Variants in FRAS1 observed in about 807,000 individuals in gnomAD.
FRAS1 encodes the protein Fraser extracellular matrix complex subunit 1.
A neutral mutation model predicts 435.2 loss-of-function variants in FRAS1; 290 were observed. The ratio of observed to expected loss-of-function variants is 0.67; its 90% CI spans 0.61 to 0.73. The LOEUF (loss-of-function observed/expected upper bound fraction) is 0.73, where lower values mean the gene tolerates loss of function less well. FRAS1 is among the 30% of genes least tolerant of loss of function. The pLI is 0.00. For synonymous variants in FRAS1, 1,800 were observed against 1,851.0 expected, an observed-to-expected ratio of 0.97 and a Z score of 0.71; for missense variants, 4,860 against 5,001.5, an observed-to-expected ratio of 0.97 and a Z score of 0.85.
At chr4:78,471,483 T>C (rs78938470) in intron 51 of FRAS1, among the ~76,000 whole-genome samples, 1,542 of 152,148 alleles carry the variant, frequency 0.01, 29 homozygotes, top group African/African-American at 0.036. Flanking sequence ...TACTCTCCAA[T>C]TGGGTTTCTA....
intron 2 of FRAS1, among the ~76,000 whole-genome samples, chr4:78,080,623 C>T (rs1740851657): frequency 6.6e-6 from 1 of 152,080 alleles, no homozygotes; most frequent in Admixed American, 6.6e-5. Context: ...CTCAGTTCTG[C>T]TTTTGTCATA....
rs72657027 is a variant in FRAS1 at position 78,255,392 on chromosome 4, C to T, written c.603+17C>T. The T allele has an allele frequency of 6.7e-5, 106 of 1,579,578 alleles. No homozygotes were observed. Among genetic ancestry groups the T allele is most frequent in the Non-Finnish European group, 8.7e-5 (101 of 1,161,376 alleles). On this transcript the variant is annotated intron_variant, in intron 6 of 73. Coordinates refer to ENST00000512123, the MANE Select transcript of FRAS1 (RefSeq NM_025074.7). The stretch of plus-strand genomic sequence containing the variant: ...TGTAACCAGGTAAGGAAGACAACCT[C>T]AGCATGCAGCCTTCACGGGCTATTG...
rs1032236393 is a variant in FRAS1, at chr4:78,337,665, C to A, written c.2279-9C>A. 1.2e-6 allele frequency: 2 copies of A among 1,609,270 alleles called. No homozygotes were observed. The highest frequency in any genetic ancestry group is 2.7e-5 in the African/African-American group (2 of 74,846). ...CTAATTCCAATCCTGGTTTTCGTCC[C>A]CCTGCCAGAGTGTCACCCAACCTGC... On this transcript the variant is annotated splice_polypyrimidine_tract_variant and intron_variant, in intron 19 of 73. Coordinates refer to ENST00000512123, the MANE Select transcript of FRAS1 (RefSeq NM_025074.7).
chr4:78,511,419 T>C lies in FRAS1; in HGVS notation c.9926T>C (p.Val3309Ala), dbSNP rs1721035539. 1 of 1,613,846 alleles carries C rather than the reference T, an allele frequency of 6.2e-7. No homozygotes were observed. The highest frequency in any genetic ancestry group is 1.7e-5 in the Admixed American group (1 of 59,998). Residue 3309 changes from valine to alanine, a missense_variant, in exon 64 of 74, where the codon GTG becomes GCG. By Grantham distance (64) the Val-to-Ala change is moderately conservative. Coordinates refer to ENST00000512123, the MANE Select transcript of FRAS1 (RefSeq NM_025074.7). Reference sequence around the variant, plus strand: ...AGTGCTATCTGCCACACACCAGTGGTGGCTGGGACATCCAGAGGCTTCCAG... The same window carrying C: ...AGTGCTATCTGCCACACACCAGTGGCGGCTGGGACATCCAGAGGCTTCCAG... ...TDSAICHTPV[V>A]AGTSRGFQAQ...
rs1234379333 is a variant in FRAS1 at position 78,253,363 on chromosome 4, GT to G, written c.469+816del. On this transcript the variant is annotated intron_variant, in intron 5 of 73. Transcript: ENST00000512123. ...CTGATTTCATATTGTTCAAACACAC[GT>G]TTTACAATCAATTTGTACAATAGTT... Among the ~76,000 whole-genome samples the G allele has an allele frequency of 2.6e-5, 4 of 152,048 alleles. No homozygotes were observed. The East Asian group carries it at 7.7e-4, about 29-fold the overall frequency.
chr4:78,085,121 T>A (rs1418038578), intron 2 of FRAS1, among the ~76,000 whole-genome samples: 1 of 152,102 alleles, frequency 6.6e-6, no homozygotes, highest in Non-Finnish European at 1.5e-5. Flanking sequence ...AGAATGTCTT[T>A]TGTCTAAGGA....
intron 14 of FRAS1, among the ~76,000 whole-genome samples, chr4:78,296,311 A>C (rs374693039): frequency 2.2e-4 from 34 of 152,054 alleles, no homozygotes; most frequent in African/African-American, 8.2e-4. Flanking sequence ...GAATATGTGG[A>C]GACCAGACAT....
intron 27 of FRAS1, 54 bp downstream of exon 27, chr4:78,380,050 C>T (rs1193037881): frequency 1.1e-5 from 17 of 1,579,980 alleles, no homozygotes; most frequent in Non-Finnish European, 8.6e-7. Context: ...ATTGCTTTTC[C>T]ACTCCTCCAC....
chr4:78,498,378 C>CAT (rs1370406470), intron 60 of FRAS1, among the ~76,000 whole-genome samples: 2 of 151,960 alleles, frequency 1.3e-5, no homozygotes, highest in Admixed American at 6.6e-5. Context: ...TGGTGGCATG[C>CAT]GCCTGTAATC....
rs140492803 is a variant in FRAS1, at chr4:78,540,992, C to G, written c.11907C>G (p.His3969Gln). ...PDRVEKNVNR[H>Q]YCTVRNVNIL... ...GGGTGGAGAAGAACGTGAATAGACA[C>G]TACTGCACTGTGCGGAACGTCAACA... Residue 3969 changes from histidine to glutamine, a missense_variant, in exon 74 of 74, where the codon CAC becomes CAG. Transcript: ENST00000512123. 4.4e-4 allele frequency: 699 copies of G among 1,605,726 alleles called. 3 individuals are homozygous for G. In the African/African-American group the frequency reaches 8.7e-3, roughly 20 times the overall value.
intron 20 of FRAS1, among the ~76,000 whole-genome samples, chr4:78,361,647 C>T (rs1193011093): frequency 6.6e-6 from 1 of 152,092 alleles, no homozygotes; most frequent in Non-Finnish European, 1.5e-5. Context: ...TTAGGATCAC[C>T]AACAGTGTAC....
intron 52 of FRAS1, 67 bp from the exon 53 acceptor site, chr4:78,473,371 G>A (rs1029027173): frequency 4.6e-6 from 6 of 1,291,544 alleles, no homozygotes; most frequent in African/African-American, 4.4e-5. Context: ...AGGTTTGTTG[G>A]TGTGGTAATC....
intron 2 of FRAS1, among the ~76,000 whole-genome samples, chr4:78,149,032 CTG>C (rs1236168084): frequency 6.6e-6 from 1 of 152,140 alleles, no homozygotes; most frequent in African/African-American, 2.4e-5. Flanking sequence ...TTCAATATTG[CTG>C]TTTCTTTATG....
chr4:78,137,821 C>T (rs1719988211), intron 2 of FRAS1, among the ~76,000 whole-genome samples: 1 of 152,210 alleles, frequency 6.6e-6, no homozygotes, highest in Non-Finnish European at 1.5e-5. Flanking sequence ...TACTAAGGCT[C>T]TCTATGCTTC....
chr4:78,279,377 C>T (rs760920730), intron 10 of FRAS1, among the ~76,000 whole-genome samples: 2 of 152,152 alleles, frequency 1.3e-5, no homozygotes, highest in African/African-American at 2.4e-5. Flanking sequence ...AGCAGAAGAG[C>T]GCTGGGCTCT....
At chr4:78,363,887 G>A in intron 21 of FRAS1, 21 bp from the exon 22 acceptor site, 1 of 1,597,418 alleles carries the variant, frequency 6.3e-7, no homozygotes, top group Non-Finnish European at 8.5e-7. Flanking sequence ...GGTTTCTGTT[G>A]TGTCTCTTTT....
chr4:78,466,153 C>G lies in FRAS1; in HGVS notation c.7030-55C>G, dbSNP rs1413633844. On this transcript the variant is annotated intron_variant, in intron 49 of 73. Coordinates refer to ENST00000512123, the MANE Select transcript of FRAS1 (RefSeq NM_025074.7). ...GATCAGCAATTGGGCATCACTCACT[C>G]TTTTGGTTTCTGTTATGAGCTTCCC... 11 of 1,475,702 alleles carry G rather than the reference C, an allele frequency of 7.5e-6. No homozygotes were observed. The Middle Eastern group carries it at 7.0e-4, about 93-fold the overall frequency. The allele number at this position is 1,475,702 out of a possible 1,614,324, so 91.4% of individuals were successfully genotyped here.
intron 2 of FRAS1, among the ~76,000 whole-genome samples, chr4:78,221,196 T>C (rs1013849052): frequency 6.6e-6 from 1 of 152,192 alleles, no homozygotes; most frequent in African/African-American, 2.4e-5. Flanking sequence ...TAACCAGTTA[T>C]GTTTTTTAAC....
At chr4:78,275,815 G>A (rs1052820961) in intron 9 of FRAS1, among the ~76,000 whole-genome samples, 1 of 152,146 alleles carries the variant, frequency 6.6e-6, no homozygotes, top group Non-Finnish European at 1.5e-5. Flanking sequence ...TTCTTGAGGA[G>A]TATCTTTGTG....
Sources: gnomAD v4.1 joint callset for allele counts (sites outside exome capture counted in the v4.1 genomes callset) on GRCh38, gnomAD v4.1.1 for gene constraint, MANE v1.5 for transcripts, NCBI Gene and HGNC (gene_info 2026-07-23, HGNC 2026-07-21) for gene names.